The following CDH4 variants were observed in gnomAD, a reference collection of about 807,000 sequenced individuals.
The protein encoded by CDH4 is cadherin-4.
CDH4 carries 33 observed loss-of-function variants against 86.0 expected under a neutral mutation model. That is an observed-to-expected ratio of 0.38 (90% confidence interval 0.29 to 0.51). The LOEUF (loss-of-function observed/expected upper bound fraction) is 0.51, where lower values mean the gene tolerates loss of function less well. Ranked by LOEUF, CDH4 falls within the 20% of genes least tolerant of loss-of-function variation. The pLI is 0.86. For synonymous variants in CDH4, 555 were observed against 549.4 expected (o/e 1.01, Z -0.14); for missense variants, 1,114 against 1,307.4 (o/e 0.85, Z 2.28).
chr20:61,711,506 C>T (rs767225554), intron 2 of CDH4, among the ~76,000 whole-genome samples: 16 of 152,218 alleles, frequency 1.1e-4, no homozygotes, highest in Non-Finnish European at 2.1e-4. Flanking sequence ...CTGCCTTCTA[C>T]CCTCAAAGCT....
chr20:61,272,051 G>A (rs1055776135), intron 2 of CDH4, among the ~76,000 whole-genome samples: 4 of 152,184 alleles, frequency 2.6e-5, no homozygotes, highest in African/African-American at 4.8e-5. Flanking sequence ...ACTTAAAATT[G>A]TGTCATTAAT....
At chr20:61,366,907 A>C (rs578109895) in intron 2 of CDH4, among the ~76,000 whole-genome samples, 44 of 152,350 alleles carry the variant, frequency 2.9e-4, no homozygotes, top group South Asian at 1.2e-3. Flanking sequence ...AAAGGAAGAA[A>C]ACCATAAAAA....
intron 8 of CDH4, among the ~76,000 whole-genome samples, chr20:61,907,140 A>G (rs1036904458): frequency 1.3e-5 from 2 of 151,842 alleles, no homozygotes; most frequent in Non-Finnish European, 2.9e-5. Context: ...TCCCCTGAGG[A>G]CACCAGGGGG....
At chr20:61,744,068 A>G (rs902886948) in intron 3 of CDH4, among the ~76,000 whole-genome samples, 8 of 152,152 alleles carry the variant, frequency 5.3e-5, no homozygotes, top group Non-Finnish European at 1.0e-4. Flanking sequence ...TTTTTGAACA[A>G]GGGGCCCCAA....
chr20:61,357,190 C>T (rs1258377300), intron 2 of CDH4, among the ~76,000 whole-genome samples: 4 of 152,208 alleles, frequency 2.6e-5, no homozygotes, highest in Non-Finnish European at 4.4e-5. Context: ...CTCCTGATTT[C>T]GTCCTCCCAC....
chr20:61,643,541 CA>C (rs1489065138), intron 2 of CDH4, among the ~76,000 whole-genome samples: 1 of 152,246 alleles, frequency 6.6e-6, no homozygotes, highest in Non-Finnish European at 1.5e-5. Context: ...CTGAGTGTGT[CA>C]GGGGACCAAG....
chr20:61,528,221 C>T (rs973398280), intron 2 of CDH4, among the ~76,000 whole-genome samples: 10 of 150,872 alleles, frequency 6.6e-5, no homozygotes, highest in Admixed American at 2.0e-4. Context: ...ACTAAAAATA[C>T]AAAAAATTAG....
chr20:61,574,370 G>A (rs377177248), intron 2 of CDH4, among the ~76,000 whole-genome samples: 8 of 152,256 alleles, frequency 5.3e-5, no homozygotes, highest in East Asian at 1.9e-4. Context: ...TGAAGTGGAC[G>A]TAGGCATCTC....
intron 2 of CDH4, among the ~76,000 whole-genome samples, chr20:61,447,098 T>C (rs1033097979): frequency 6.6e-6 from 1 of 152,184 alleles, no homozygotes; most frequent in African/African-American, 2.4e-5. Flanking sequence ...CCTACCATAC[T>C]CATTATAAAT....
At chr20:61,317,227 A>C (rs2084481615) in intron 2 of CDH4, among the ~76,000 whole-genome samples, 1 of 151,964 alleles carries the variant, frequency 6.6e-6, no homozygotes, top group Non-Finnish European at 1.5e-5. Context: ...AAATACAACA[A>C]ATTAGCCAGC....
chr20:61,764,010 G>A (rs1370920341), intron 3 of CDH4, among the ~76,000 whole-genome samples: 1 of 152,216 alleles, frequency 6.6e-6, no homozygotes, highest in African/African-American at 2.4e-5. Context: ...GAGTGATGAG[G>A]GGAGGGAAAT....
chr20:61,323,720 T>C (rs1304192063), intron 2 of CDH4, among the ~76,000 whole-genome samples: 1 of 152,192 alleles, frequency 6.6e-6, no homozygotes, highest in African/African-American at 2.4e-5. Flanking sequence ...GGACTGTGGC[T>C]ATGCAGGAAC....
chr20:61,874,252 A>C (rs1983925812), intron 7 of CDH4, among the ~76,000 whole-genome samples: 1 of 151,870 alleles, frequency 6.6e-6, no homozygotes. Flanking sequence ...CTGAACACAC[A>C]CGCCTGCCTT....
At chr20:61,519,283 C>A (rs2085850332) in intron 2 of CDH4, among the ~76,000 whole-genome samples, 4 of 152,338 alleles carry the variant, frequency 2.6e-5, no homozygotes, top group African/African-American at 9.6e-5. Flanking sequence ...TTAATGACTT[C>A]TCAGAAAATT....
At position 61,936,931 on chromosome 20, in the gene CDH4, T is replaced by C; in HGVS notation, c.2739T>C (p.Gly913=). 1.3e-6 allele frequency: 2 copies of C among 1,575,860 alleles called. No homozygotes were observed. The highest frequency in any genetic ancestry group is 1.7e-6 in the Non-Finnish European group (2 of 1,160,602). Residue 913 remains glycine, a synonymous_variant, in exon 16 of 16, where the codon GGT becomes GGC. Transcript: ENST00000614565. Reference sequence around the variant, plus strand: ...AGCTGGCGGACATGTATGGAGGTGGTGAAGAGGATTGACTGACCTCGCATC... The same window carrying C: ...AGCTGGCGGACATGTATGGAGGTGGCGAAGAGGATTGACTGACCTCGCATC... ...FKKLADMYGG[G]EED
At chr20:61,714,778 T>C (rs2087934597) in intron 2 of CDH4, among the ~76,000 whole-genome samples, 1 of 152,226 alleles carries the variant, frequency 6.6e-6, no homozygotes, top group South Asian at 2.1e-4. Flanking sequence ...ATGACACATA[T>C]ATATGCTACA....
At chr20:61,489,502 A>G (rs1348490841) in intron 2 of CDH4, among the ~76,000 whole-genome samples, 2 of 152,234 alleles carry the variant, frequency 1.3e-5, no homozygotes, top group East Asian at 3.8e-4. Flanking sequence ...GCACCCACCT[A>G]ATAGTCGTGA....
chr20:61,768,275 A>G (rs2088725409), intron 3 of CDH4, among the ~76,000 whole-genome samples: 1 of 152,218 alleles, frequency 6.6e-6, no homozygotes. Flanking sequence ...GTATTCATAC[A>G]TGTGCATTTG....
At chr20:61,565,405 C>CCTCTTGGTGATGGTGGTGCTGGTGCTCTT (rs60747414) in intron 2 of CDH4, among the ~76,000 whole-genome samples, 2 of 20,998 alleles carry the variant, frequency 9.5e-5, no homozygotes, top group Non-Finnish European at 1.5e-4. Flanking sequence ...ATGGTGGTGG[C>CCTCTTGGTGATGGTGGTGCTGGTGCTCTT]GGTGCTCTTG....
Sources: allele counts gnomAD v4.1 joint callset (sites outside exome capture counted in the v4.1 genomes callset), GRCh38; gene constraint gnomAD v4.1.1; transcripts MANE v1.5; gene names NCBI Gene and HGNC (gene_info 2026-07-23, HGNC 2026-07-21).